Variants in KIAA1328 observed in about 807,000 individuals in gnomAD.
KIAA1328 encodes protein hinderin.
Under a neutral mutation model 68.1 loss-of-function variants are expected in KIAA1328, and 52 were observed. The observed-to-expected ratio is 0.76, with a 90% CI of 0.61 to 0.96. The LOEUF (loss-of-function observed/expected upper bound fraction) is 0.96, where lower values mean the gene tolerates loss of function less well. Ranked by LOEUF, KIAA1328 falls within the 40% of genes least tolerant of loss-of-function variation. The pLI is 0.00. For missense variants in KIAA1328, 641 were observed against 677.6 expected (o/e 0.95, Z 0.60); for synonymous variants, 232 against 239.4 (o/e 0.97, Z 0.28).
intron 6 of KIAA1328, among the ~76,000 whole-genome samples, chr18:36,997,221 C>T (rs1055360220): frequency 2.0e-5 from 3 of 152,168 alleles, no homozygotes; most frequent in Non-Finnish European, 4.4e-5. Flanking sequence ...TTAGTTCAAA[C>T]ACTTAACTAT....
intron 7 of KIAA1328, among the ~76,000 whole-genome samples, chr18:37,117,310 G>A (rs993304990): frequency 1.3e-5 from 2 of 152,152 alleles, no homozygotes; most frequent in Admixed American, 1.3e-4. Context: ...ATACTATGCA[G>A]CCATAAAAAA....
rs554857512 is a variant in KIAA1328 at position 36,997,038 on chromosome 18, T to C, written c.576+37603T>C. Among the ~76,000 whole-genome samples, 21 of 152,290 alleles carry C rather than the reference T, an allele frequency of 1.4e-4. No individual in the cohort carries two copies. The South Asian group carries it at 4.3e-3, about 32-fold the overall frequency. On this transcript the variant is annotated intron_variant, in intron 6 of 9. Transcript: ENST00000280020. Reference sequence around the variant, plus strand: ...GACGTTTCTGATTGATGCTTTGACTTTCTAGTATGAAACTACTTGCCTCTT... The same window carrying C: ...GACGTTTCTGATTGATGCTTTGACTCTCTAGTATGAAACTACTTGCCTCTT...
In KIAA1328 at chr18:37,160,231, C is replaced by G; in HGVS notation, c.1264C>G (p.Leu422Val). The G allele has an allele frequency of 1.9e-6, 3 of 1,613,036 alleles. No homozygotes were observed. Among genetic ancestry groups the G allele is most frequent in the Non-Finnish European group, 2.5e-6 (3 of 1,179,472 alleles). ...GAAGTCAAACTGTGATGGCTGGCTG[C>G]TTGGAACATCATCATCTATTAAAAA... ...LLKSNCDGWL[L>V]GTSSSIKKHQ... The change falls in exon 8 of 10, where the codon CTT becomes GTT. Residue 422 changes from leucine to valine, a missense_variant. Transcript: ENST00000280020.
intron 7 of KIAA1328, among the ~76,000 whole-genome samples, chr18:37,108,085 C>T (rs971028222): frequency 1.3e-5 from 2 of 152,134 alleles, no homozygotes; most frequent in African/African-American, 4.8e-5. Flanking sequence ...ACGTTCATTA[C>T]TGCACTATTC....
chr18:37,169,172 T>TTATTTATATA (rs1568490110), intron 8 of KIAA1328, among the ~76,000 whole-genome samples: 2 of 138,648 alleles, frequency 1.4e-5, no homozygotes, highest in African/African-American at 5.5e-5. Flanking sequence ...TTATTTATAT[T>TTATTTATATA]TTTTTTTTTT....
At chr18:36,979,765 A>C (rs2052610068) in intron 6 of KIAA1328, among the ~76,000 whole-genome samples, 1 of 152,142 alleles carries the variant, frequency 6.6e-6, no homozygotes, top group Admixed American at 6.5e-5. Flanking sequence ...GACTCAACCC[A>C]CATGTCACAG....
At chr18:37,018,756 G>A (rs1163587258) in intron 6 of KIAA1328, among the ~76,000 whole-genome samples, 1 of 150,914 alleles carries the variant, frequency 6.6e-6, no homozygotes, top group Non-Finnish European at 1.5e-5. Flanking sequence ...AATTCCTTAA[G>A]TGAGTTTTTC....
chr18:36,972,218 C>G (rs540519454), intron 6 of KIAA1328, among the ~76,000 whole-genome samples: 2 of 152,068 alleles, frequency 1.3e-5, no homozygotes, highest in Admixed American at 6.6e-5. Context: ...TGAACACATG[C>G]GAAAAGAAAT....
At chr18:37,086,527 G>A (rs957724223) in intron 7 of KIAA1328, among the ~76,000 whole-genome samples, 1 of 151,774 alleles carries the variant, frequency 6.6e-6, no homozygotes, top group African/African-American at 2.4e-5. Context: ...CTTTTTTCCT[G>A]GATCACATGC....
chr18:37,149,415 A>G (rs2058978420), intron 7 of KIAA1328, among the ~76,000 whole-genome samples: 1 of 152,234 alleles, frequency 6.6e-6, no homozygotes, highest in Non-Finnish European at 1.5e-5. Context: ...CAAGATGGAT[A>G]AAGTCTTAAA....
At chr18:36,916,688 A>G (rs1418631907) in intron 5 of KIAA1328, among the ~76,000 whole-genome samples, 2 of 152,220 alleles carry the variant, frequency 1.3e-5, no homozygotes, top group African/African-American at 2.4e-5. Flanking sequence ...CATCGTACAG[A>G]TAAGTAAGGA....
intron 6 of KIAA1328, among the ~76,000 whole-genome samples, chr18:37,001,900 A>G (rs2053598679): frequency 6.6e-6 from 1 of 152,206 alleles, no homozygotes; most frequent in East Asian, 1.9e-4. Context: ...CTAAAATCAT[A>G]TTGAATGGAG....
chr18:36,859,902 G>A (rs947455524), intron 4 of KIAA1328, among the ~76,000 whole-genome samples: 8 of 144,284 alleles, frequency 5.5e-5, no homozygotes, highest in African/African-American at 2.1e-4. Flanking sequence ...TAATAGATAT[G>A]TAACTCATTG....
chr18:36,956,552 G>GGGGT (rs1193003704), intron 5 of KIAA1328, among the ~76,000 whole-genome samples: 9 of 150,002 alleles, frequency 6.0e-5, no homozygotes, highest in African/African-American at 1.7e-4. Context: ...GTGGGGGGGG[G>GGGGT]GTGCATTTAG....
At chr18:36,994,042 G>T (rs979200791) in intron 6 of KIAA1328, among the ~76,000 whole-genome samples, 1 of 151,522 alleles carries the variant, frequency 6.6e-6, no homozygotes, top group Non-Finnish European at 1.5e-5. Context: ...AGAAACTGAG[G>T]AATATCAGTC....
At chr18:36,939,800 A>C (rs1455004934) in intron 5 of KIAA1328, among the ~76,000 whole-genome samples, 1 of 152,192 alleles carries the variant, frequency 6.6e-6, no homozygotes, top group Non-Finnish European at 1.5e-5. Context: ...TTACTATGAA[A>C]GGATGTTGAA....
chr18:36,874,873 T>A (rs1324983215), intron 4 of KIAA1328, among the ~76,000 whole-genome samples: 1 of 152,158 alleles, frequency 6.6e-6, no homozygotes, highest in East Asian at 1.9e-4. Flanking sequence ...AAGGAAGGGG[T>A]CCAGTTTCAG....
chr18:37,223,672 G>C lies in KIAA1328; in HGVS notation c.*1445G>C, dbSNP rs981146963. The C allele has an allele frequency of 2.0e-6, 2 of 985,254 alleles. No homozygotes were observed. Among genetic ancestry groups the C allele is most frequent in the Non-Finnish European group, 2.4e-6 (2 of 829,922 alleles). 61.0% of individuals were successfully genotyped at this position (985,254 alleles called of 1,614,324 possible). ...GGCAGCCTGCATGCAGCGAGTCTGC[G>C]TGGCTTCCCTGAATTACTCTTTTAA... On this transcript the variant is annotated 3_prime_UTR_variant, in exon 10 of 10. Transcript: ENST00000280020.
intron 6 of KIAA1328, among the ~76,000 whole-genome samples, chr18:37,015,030 G>A (rs1251076132): frequency 6.6e-6 from 1 of 152,184 alleles, no homozygotes. Flanking sequence ...AGCCTCCTGA[G>A]TAGCAGGGAT....
Sources: allele counts gnomAD v4.1 joint callset (sites outside exome capture counted in the v4.1 genomes callset), GRCh38; gene constraint gnomAD v4.1.1; transcripts MANE v1.5; gene names NCBI Gene and HGNC (gene_info 2026-07-23, HGNC 2026-07-21).